EML6: variants seen among roughly 807,000 people sequenced by gnomAD.
EML6 encodes the protein EMAP like 6.
In EML6, 154 loss-of-function variants were observed where a neutral mutation model predicts 240.1. The observed-to-expected ratio is 0.64, with a 90% CI of 0.56 to 0.73. EML6 has a LOEUF of 0.73. Among genes scored for constraint, EML6 ranks in the 30% least tolerant of loss-of-function variants. EML6 has a pLI of 0.00. For synonymous variants in EML6, 1,148 were observed against 899.0 expected (o/e 1.28, Z -4.95); for missense variants, 2,964 against 2,474.6 (o/e 1.20, Z -4.20).
chr2:54,861,963 T>G (rs943537563), intron 12 of EML6, among the ~76,000 whole-genome samples: 5 of 151,968 alleles, frequency 3.3e-5, no homozygotes, highest in Non-Finnish European at 7.4e-5. Context: ...GAGAGCAATA[T>G]AAGAACAAAT....
At position 54,957,813 on chromosome 2, in the gene EML6, G is replaced by T. The variant is rs1035831323; in HGVS notation, c.4510G>T (p.Gly1504Cys). 1.9e-5 allele frequency: 30 copies of T among 1,550,000 alleles called. No homozygotes were observed. Among genetic ancestry groups the T allele is most frequent in the Non-Finnish European group, 2.5e-5 (29 of 1,147,000 alleles). The part of the protein sequence containing the change: ...QEGAKVASRG[G>C]HLERIFVVEF... ...AGGTGCCAAGGTTGCCAGCCGAGGG[G>T]GTCACCTGGAGCGCATATTTGTGGT... Residue 1504 changes from glycine to cysteine, a missense_variant, in exon 33 of 42, where the codon GGT becomes TGT. Physicochemically the swap from Gly to Cys is radical, Grantham distance 159. Coordinates refer to ENST00000356458, the MANE Select transcript of EML6 (RefSeq NM_001039753.4).
At chr2:54,826,250 G>C (rs542696367) in intron 5 of EML6, among the ~76,000 whole-genome samples, 13 of 152,164 alleles carry the variant, frequency 8.5e-5, no homozygotes, top group Non-Finnish European at 1.6e-4. Flanking sequence ...GTTTTGATAG[G>C]ATCAAATAAC....
intron 2 of EML6, among the ~76,000 whole-genome samples, chr2:54,801,319 G>GAA (rs35189000): frequency 0.24 from 22,273 of 94,704 alleles, 2,022 homozygotes; most frequent in Non-Finnish European, 0.31. Context: ...TGTCTCAAAA[G>GAA]AAAAAAAAAA....
intron 11 of EML6, among the ~76,000 whole-genome samples, chr2:54,856,447 A>C (rs545655779): frequency 6.6e-6 from 1 of 152,330 alleles, no homozygotes; most frequent in South Asian, 2.1e-4. Flanking sequence ...CCATGTCCTG[A>C]TAGCAAATGG....
At chr2:54,815,230 G>C (rs1158822016) in intron 3 of EML6, among the ~76,000 whole-genome samples, 1 of 152,158 alleles carries the variant, frequency 6.6e-6, no homozygotes, top group Non-Finnish European at 1.5e-5. Flanking sequence ...TTGAAGGATG[G>C]TGGGTGGGGG....
rs1670037462 is a variant in EML6, at chr2:54,850,803, T to G, written c.1444+585T>G. 2.0e-5 allele frequency among the ~76,000 whole-genome samples: 3 copies of G among 152,212 alleles called. No individual in the cohort carries two copies. In the South Asian group the frequency reaches 6.2e-4, roughly 32 times the overall value. On this transcript the variant is annotated intron_variant, in intron 10 of 41. Coordinates refer to ENST00000356458, the MANE Select transcript of EML6 (RefSeq NM_001039753.4). The stretch of plus-strand genomic sequence containing the variant: ...GTTTGTGACACAATGCCTAAATGTT[T>G]ATCAGCATGAGGAGAGTTGAGTTAA...
intron 2 of EML6, among the ~76,000 whole-genome samples, chr2:54,785,323 G>T (rs1669033425): frequency 6.6e-6 from 1 of 151,922 alleles, no homozygotes; most frequent in South Asian, 2.1e-4. Context: ...TTACAGGTGT[G>T]AGCCACCACG....
At chr2:54,940,835 A>C (rs1000847909) in intron 28 of EML6, among the ~76,000 whole-genome samples, 13 of 152,168 alleles carry the variant, frequency 8.5e-5, no homozygotes, top group African/African-American at 3.1e-4. Flanking sequence ...AGGAATTACA[A>C]TGTTTGTTTG....
intron 4 of EML6, 143 bp from the exon 5 acceptor site, chr2:54,820,251 C>G (rs140983165): frequency 1.7e-6 from 1 of 591,560 alleles, no homozygotes; most frequent in Non-Finnish European, 3.0e-6. Flanking sequence ...TGACTCATTC[C>G]AAGCCAAATC....
chr2:54,803,962 A>G (rs940197617), intron 2 of EML6, among the ~76,000 whole-genome samples: 2 of 152,220 alleles, frequency 1.3e-5, no homozygotes, highest in African/African-American at 4.8e-5. Context: ...TCAACAGTAG[A>G]ATGATAGGCC....
rs150062470 is a variant in EML6, at chr2:54,723,765, G to A, written c.-526G>A. Reference sequence around the variant, plus strand: ...GATCCGGGACGCGCCGGTGGCGTCCGCTGGCAGCAGAGGTTAGAGGCAGAG... The same window carrying A: ...GATCCGGGACGCGCCGGTGGCGTCCACTGGCAGCAGAGGTTAGAGGCAGAG... On this transcript the variant is annotated 5_prime_UTR_variant, in exon 1 of 42. Coordinates refer to ENST00000356458, the MANE Select transcript of EML6 (RefSeq NM_001039753.4). 841 of 152,472 alleles carry A rather than the reference G, an allele frequency of 5.5e-3. 11 individuals carry two copies. Among genetic ancestry groups the A allele is most frequent in the African/African-American group, 0.02 (812 of 41,586 alleles). The allele number at this position is 152,472 out of a possible 1,614,324, so 9.4% of individuals were successfully genotyped here. A position where few individuals can be genotyped will look rare whatever the true frequency, so the allele number is the denominator to read the frequency against.
chr2:54,919,369 A>G (rs1171040984), intron 26 of EML6, among the ~76,000 whole-genome samples: 1 of 151,748 alleles, frequency 6.6e-6, no homozygotes, highest in Non-Finnish European at 1.5e-5. Context: ...TCATTTGTAC[A>G]TTTTAACCTG....
chr2:54,841,711 G>A (rs1669466611), intron 7 of EML6, among the ~76,000 whole-genome samples: 1 of 149,728 alleles, frequency 6.7e-6, no homozygotes, highest in Admixed American at 6.7e-5. Context: ...TCGTGCCTCA[G>A]CCACCCGGGT....
intron 6 of EML6, among the ~76,000 whole-genome samples, chr2:54,828,351 C>G (rs905653999): frequency 4.6e-5 from 7 of 152,168 alleles, no homozygotes; most frequent in African/African-American, 1.7e-4. Context: ...ACTCTGCTCT[C>G]TTTTTTGACA....
At chr2:54,834,749 T>C (rs1360114915) in intron 7 of EML6, among the ~76,000 whole-genome samples, 1 of 152,230 alleles carries the variant, frequency 6.6e-6, no homozygotes, top group Non-Finnish European at 1.5e-5. Context: ...GAGGCCAAAG[T>C]TCCAGGACAT....
chr2:54,848,215 GAA>G (rs1254766485), intron 9 of EML6, among the ~76,000 whole-genome samples: 3 of 152,020 alleles, frequency 2.0e-5, no homozygotes, highest in Non-Finnish European at 4.4e-5. Flanking sequence ...ACTTTTTACT[GAA>G]AAAAATTATG....
chr2:54,881,639 A>T (rs1573058573), intron 17 of EML6: 2 of 124,790 alleles, frequency 1.6e-5, no homozygotes. Flanking sequence ...ACAGAGTGAG[A>T]CTCCGTCCCA....
intron 7 of EML6, among the ~76,000 whole-genome samples, chr2:54,838,733 A>G (rs1669283063): frequency 6.6e-6 from 1 of 152,070 alleles, no homozygotes; most frequent in South Asian, 2.1e-4. Context: ...TTTGCTCTCT[A>G]CCGCCATCTG....
intron 21 of EML6, among the ~76,000 whole-genome samples, 176 bp downstream of exon 21, chr2:54,895,576 C>G (rs1324217332): frequency 6.6e-6 from 1 of 152,224 alleles, no homozygotes; most frequent in Admixed American, 6.5e-5. Context: ...CAGCTTAAAA[C>G]AACACACATT....
Sources: allele counts gnomAD v4.1 joint callset (sites outside exome capture counted in the v4.1 genomes callset), GRCh38; gene constraint gnomAD v4.1.1; transcripts MANE v1.5; gene names NCBI Gene and HGNC (gene_info 2026-07-23, HGNC 2026-07-21).